Variants in ZNF618 observed in about 807,000 individuals in gnomAD.
The protein encoded by ZNF618 is zinc finger protein 618.
In ZNF618, 34 loss-of-function variants were observed where a neutral mutation model predicts 103.0. The observed-to-expected ratio is 0.33, with a 90% confidence interval of 0.25 to 0.44. ZNF618 has a LOEUF of 0.44. Ranked by LOEUF, ZNF618 falls within the 20% of genes least tolerant of loss-of-function variation. The pLI is 1.00. For synonymous variants in ZNF618, 551 were observed against 542.2 expected (o/e 1.02, Z -0.23); for missense variants, 1,059 against 1,295.4 (o/e 0.82, Z 2.80).
intron 10 of ZNF618, among the ~76,000 whole-genome samples, chr9:114,027,170 G>C (rs571039852): frequency 1.3e-5 from 2 of 152,322 alleles, no homozygotes; most frequent in African/African-American, 2.4e-5. Context: ...GGGCCTCTGA[G>C]GCCCTCGGCT....
intron 1 of ZNF618, among the ~76,000 whole-genome samples, chr9:113,954,522 C>A (rs1286537422): frequency 2.0e-5 from 3 of 152,200 alleles, no homozygotes; most frequent in Admixed American, 6.5e-5. Context: ...TAGTGCAGAG[C>A]ATGGTGCAGT....
intron 13 of ZNF618, among the ~76,000 whole-genome samples, chr9:114,040,353 T>C (rs1329295918): frequency 2.0e-5 from 3 of 149,900 alleles, no homozygotes; most frequent in African/African-American, 7.3e-5. Context: ...TTTTTTTTTA[T>C]TGTACTTTAA....
intron 13 of ZNF618, among the ~76,000 whole-genome samples, chr9:114,036,977 T>G (rs1244987239): frequency 6.6e-6 from 1 of 152,216 alleles, no homozygotes; most frequent in Non-Finnish European, 1.5e-5. Context: ...GCATTTCTGG[T>G]AAGTCTTAAG....
At chr9:113,955,211 G>A (rs1836164531) in intron 1 of ZNF618, among the ~76,000 whole-genome samples, 1 of 149,014 alleles carries the variant, frequency 6.7e-6, no homozygotes, top group Non-Finnish European at 1.5e-5. Flanking sequence ...CCCTTAGAGA[G>A]TTTGACTGGC....
At chr9:113,993,143 G>A (rs967250509) in intron 3 of ZNF618, among the ~76,000 whole-genome samples, 1 of 152,224 alleles carries the variant, frequency 6.6e-6, no homozygotes, top group Non-Finnish European at 1.5e-5. Flanking sequence ...GCAGCCCCAA[G>A]AAGGAAGGGC....
At chr9:113,909,754 G>A (rs188742511) in intron 1 of ZNF618, among the ~76,000 whole-genome samples, 35 of 151,844 alleles carry the variant, frequency 2.3e-4, no homozygotes, top group African/African-American at 7.7e-4. Flanking sequence ...GCTGTATCCC[G>A]CTCCCCGATA....
intron 1 of ZNF618, among the ~76,000 whole-genome samples, chr9:113,933,527 A>G (rs540385213): frequency 6.6e-6 from 1 of 152,254 alleles, no homozygotes; most frequent in East Asian, 1.9e-4. Context: ...TTTCTCAGGG[A>G]AAGTAGCTGT....
At chr9:114,042,020 A>C (rs10982045) in intron 13 of ZNF618, among the ~76,000 whole-genome samples, 38,020 of 152,012 alleles carry the variant, frequency 0.25, 4,923 homozygotes, top group African/African-American at 0.3. Context: ...AGTGATTTGT[A>C]GTTCTCCTTG....
Position 114,008,570 on chromosome 9 carries a change from T to C in ZNF618, c.754+16T>C. 6.2e-7 allele frequency: 1 copy of C among 1,613,288 alleles called. No homozygotes were observed. The highest frequency in any genetic ancestry group is 8.5e-7 in the Non-Finnish European group (1 of 1,179,680). On this transcript the variant is annotated intron_variant, in intron 9 of 14. Transcript: ENST00000374126. ...ATCGGGCCAAGTATGCGGGATTCCC[T>C]CTGGGGCCAAGGGCTGGGTGGGGGC...
At chr9:114,021,031 A>C (rs1843034302) in intron 10 of ZNF618, among the ~76,000 whole-genome samples, 1 of 151,934 alleles carries the variant, frequency 6.6e-6, no homozygotes. Flanking sequence ...CCATCTTTTG[A>C]GGTGATTCTG....
In ZNF618 at chr9:113,988,357, G is replaced by A. The variant is rs376655941; in HGVS notation, c.114G>A (p.Val38=). Residue 38 remains valine, a synonymous_variant, in exon 3 of 15, where the codon GTG becomes GTA. Transcript: ENST00000374126. ...RLKRSQKSTK[V]EGPEPVPAEA... ...AGCGCAGCCAGAAGAGCACCAAGGT[G>A]GAGGGCCCAGAGCCAGTGCCAGCCG... 6.2e-6 allele frequency: 10 copies of A among 1,613,172 alleles called. No individual in the cohort carries two copies. The African/African-American group carries it at 1.1e-4, about 17-fold the overall frequency.
At chr9:114,034,685 C>T (rs1170863901) in intron 12 of ZNF618, among the ~76,000 whole-genome samples, 3 of 152,304 alleles carry the variant, frequency 2.0e-5, no homozygotes, top group Middle Eastern at 3.4e-3. Flanking sequence ...CCCCGCTGTG[C>T]TGCCTGCTGC....
intron 1 of ZNF618, among the ~76,000 whole-genome samples, 190 bp from the exon 2 acceptor site, chr9:113,968,927 G>A (rs1178608090): frequency 6.6e-6 from 1 of 152,150 alleles, no homozygotes; most frequent in African/African-American, 2.4e-5. Context: ...GGGGTTGCAG[G>A]GAGGTGTTCT....
intron 3 of ZNF618, among the ~76,000 whole-genome samples, chr9:113,994,990 C>G (rs1340924537): frequency 6.6e-6 from 1 of 151,292 alleles, no homozygotes; most frequent in East Asian, 1.9e-4. Flanking sequence ...AAAATGTATC[C>G]AAGGGAATCC....
At chr9:113,980,016 A>G (rs1168512401) in intron 2 of ZNF618, among the ~76,000 whole-genome samples, 6 of 152,086 alleles carry the variant, frequency 3.9e-5, no homozygotes, top group African/African-American at 7.2e-5. Context: ...TGGTCGTGGT[A>G]TGGTAAGGAA....
intron 10 of ZNF618, among the ~76,000 whole-genome samples, chr9:114,019,392 T>A (rs1051373770): frequency 3.9e-5 from 6 of 152,212 alleles, no homozygotes; most frequent in Non-Finnish European, 8.8e-5. Context: ...GGGAATAGTA[T>A]GTTTAACTTT....
chr9:114,010,031 C>A (rs375722645), intron 9 of ZNF618, among the ~76,000 whole-genome samples: 8 of 152,180 alleles, frequency 5.3e-5, no homozygotes, highest in Non-Finnish European at 1.5e-5. Context: ...AGAATATGGC[C>A]GGGCACGGTG....
At chr9:114,000,671 C>T (rs1370582609) in intron 4 of ZNF618, among the ~76,000 whole-genome samples, 1 of 152,186 alleles carries the variant, frequency 6.6e-6, no homozygotes, top group African/African-American at 2.4e-5. Flanking sequence ...GCCTCAGGTA[C>T]ACACTCAGGA....
intron 1 of ZNF618, among the ~76,000 whole-genome samples, chr9:113,936,191 G>C (rs962741877): frequency 6.6e-6 from 1 of 152,094 alleles, no homozygotes; most frequent in East Asian, 1.9e-4. Flanking sequence ...CAGAGACCAG[G>C]CTCCAGAGGC....
Sources: gnomAD v4.1 joint callset for allele counts (sites outside exome capture counted in the v4.1 genomes callset) on GRCh38, gnomAD v4.1.1 for gene constraint, MANE v1.5 for transcripts, NCBI Gene and HGNC (gene_info 2026-07-23, HGNC 2026-07-21) for gene names.